Variants in KIAA1217 observed in about 807,000 individuals in gnomAD.
The protein encoded by KIAA1217 is sickle tail protein homolog.
Under a neutral mutation model 163.9 loss-of-function variants are expected in KIAA1217, and 88 were observed. The observed-to-expected ratio is 0.54, with a 90% CI of 0.45 to 0.64. The LOEUF (loss-of-function observed/expected upper bound fraction) is 0.64. Ranked by LOEUF, KIAA1217 falls within the 30% of genes least tolerant of loss-of-function variation. The pLI, the probability that KIAA1217 is intolerant of heterozygous loss-of-function variation, is 0.00. For missense variants in KIAA1217, 2,372 were observed against 2,475.0 expected (o/e 0.96, Z 0.88); for synonymous variants, 903 against 923.1 (o/e 0.98, Z 0.39).
In KIAA1217 at chr10:24,190,093, G is replaced by A. The variant is rs539052837; in HGVS notation, c.-170-29533G>A. On this transcript the variant is annotated intron_variant, in intron 2 of 18. Coordinates refer to the KIAA1217 transcript ENST00000376462. ...TGATCTAATGATAATAAACTGAGGGGGAGCTTAGCAAGGCCTGTTTGTTCA... is the reference window on the plus strand; with the variant it reads ...TGATCTAATGATAATAAACTGAGGGAGAGCTTAGCAAGGCCTGTTTGTTCA... 1.1e-4 allele frequency among the ~76,000 whole-genome samples: 17 copies of A among 151,978 alleles called. 1 individual carries two copies. The highest frequency in any genetic ancestry group is 4.4e-5 in the Non-Finnish European group (3 of 67,976).
At chr10:24,134,769 G>A (rs915638004) in intron 2 of KIAA1217, among the ~76,000 whole-genome samples, 5 of 152,058 alleles carry the variant, frequency 3.3e-5, no homozygotes, top group South Asian at 4.2e-4. Flanking sequence ...TAGAGACAGG[G>A]TCTCACTGTG....
intron 3 of KIAA1217, among the ~76,000 whole-genome samples, chr10:24,395,189 C>T (rs1311567081): frequency 6.6e-6 from 1 of 152,226 alleles, no homozygotes; most frequent in East Asian, 1.9e-4. Context: ...CATAGAGGCC[C>T]TTGCAGGGAG....
intron 1 of KIAA1217, among the ~76,000 whole-genome samples, chr10:23,880,532 A>G (rs1445790612): frequency 6.6e-6 from 1 of 151,928 alleles, no homozygotes; most frequent in Non-Finnish European, 1.5e-5. Context: ...AAGACCTAGT[A>G]TTTGCTAGGA....
At chr10:23,724,193 GT>G (rs2130770952) in intron 1 of KIAA1217, among the ~76,000 whole-genome samples, 1 of 152,256 alleles carries the variant, frequency 6.6e-6, no homozygotes, top group East Asian at 1.9e-4. Context: ...AACACTGAGG[GT>G]TACAATTAGA....
intron 1 of KIAA1217, among the ~76,000 whole-genome samples, chr10:23,855,255 A>C (rs1268738401): frequency 6.6e-5 from 10 of 152,178 alleles, no homozygotes; most frequent in African/African-American, 2.4e-4. Flanking sequence ...AAAGTATTTT[A>C]TTTCTTCTTT....
At chr10:23,961,785 A>G (rs7072053) in intron 1 of KIAA1217, among the ~76,000 whole-genome samples, 3 of 152,034 alleles carry the variant, frequency 2.0e-5, no homozygotes, top group African/African-American at 7.3e-5. Flanking sequence ...GGAGTACAAA[A>G]TCAGGTGTGG....
At chr10:24,313,856 T>A (rs1019051300) in intron 2 of KIAA1217, among the ~76,000 whole-genome samples, 1 of 149,232 alleles carries the variant, frequency 6.7e-6, no homozygotes, top group African/African-American at 2.5e-5. Context: ...TTTTTTTTTT[T>A]TTTTTTTGAG....
intron 1 of KIAA1217, among the ~76,000 whole-genome samples, chr10:23,812,387 A>G (rs1837108032): frequency 6.6e-6 from 1 of 152,124 alleles, no homozygotes; most frequent in African/African-American, 2.4e-5. Context: ...AAAACAAAGG[A>G]TTTACTTTAT....
intron 1 of KIAA1217, among the ~76,000 whole-genome samples, chr10:23,841,084 C>T (rs1838756735): frequency 6.6e-6 from 1 of 152,110 alleles, no homozygotes; most frequent in Admixed American, 6.6e-5. Flanking sequence ...ATTAAATAAG[C>T]ACATAGTTGT....
intron 1 of KIAA1217, among the ~76,000 whole-genome samples, chr10:23,949,020 A>G (rs2131350438): frequency 6.6e-6 from 1 of 152,318 alleles, no homozygotes; most frequent in Middle Eastern, 3.4e-3. Context: ...AAGGTACCTA[A>G]ATAAATAATG....
intron 2 of KIAA1217, among the ~76,000 whole-genome samples, chr10:24,090,233 C>T (rs1232234721): frequency 7.6e-6 from 1 of 131,780 alleles, no homozygotes; most frequent in East Asian, 2.3e-4. Flanking sequence ...GTGGCATGAT[C>T]GTGGCTCACT....
intron 2 of KIAA1217, chr10:24,158,729 A>C: frequency 2.0e-6 from 1 of 502,144 alleles, no homozygotes; most frequent in Non-Finnish European, 4.0e-6. Context: ...AGTGATTATC[A>C]GGTTATTTCT....
intron 1 of KIAA1217, among the ~76,000 whole-genome samples, chr10:23,974,798 C>G (rs1845470438): frequency 6.6e-6 from 1 of 152,138 alleles, no homozygotes; most frequent in South Asian, 2.1e-4. Context: ...ACGACGCCAG[C>G]CATAAAGTAG....
rs539058369 is a variant in KIAA1217 at position 24,190,048 on chromosome 10, G to A, written c.-170-29578G>A. 1.4e-3 allele frequency among the ~76,000 whole-genome samples: 211 copies of A among 150,684 alleles called. 1 individual carries two copies. The highest frequency in any genetic ancestry group is 1.0e-3 in the Non-Finnish European group (70 of 67,676). On this transcript the variant is annotated intron_variant, in intron 2 of 18. Coordinates refer to the KIAA1217 transcript ENST00000376462. The stretch of plus-strand genomic sequence containing the variant: ...TTTAAAAAAAAAAAAAAAAAAGTAT[G>A]ATTGGACATACAAAGGGTATGATCT...
chr10:23,912,732 T>C (rs948924227), intron 1 of KIAA1217, among the ~76,000 whole-genome samples: 1 of 152,180 alleles, frequency 6.6e-6, no homozygotes, highest in Non-Finnish European at 1.5e-5. Context: ...AAGGTAAAAT[T>C]TTAAGACAGT....
At chr10:24,430,467 G>A (rs2059514672) in intron 3 of KIAA1217, among the ~76,000 whole-genome samples, 1 of 152,202 alleles carries the variant, frequency 6.6e-6, no homozygotes, top group African/African-American at 2.4e-5. Context: ...GACAGGGTTA[G>A]GGGGAGATGG....
chr10:23,839,606 A>T (rs1838672838), intron 1 of KIAA1217, among the ~76,000 whole-genome samples: 1 of 152,126 alleles, frequency 6.6e-6, no homozygotes, highest in African/African-American at 2.4e-5. Context: ...TGCTGCATTG[A>T]GGAAGGATCT....
chr10:24,239,422 T>C (rs956824950), intron 2 of KIAA1217: 1 of 469,738 alleles, frequency 2.1e-6, no homozygotes, highest in Non-Finnish European at 2.8e-6. Context: ...ATTGTTCTCT[T>C]GGCAGGAAGA....
At position 23,986,778 on chromosome 10, in the gene KIAA1217, C is replaced by A. The variant is rs191518096; in HGVS notation, c.-320-20447C>A. Among the ~76,000 whole-genome samples the A allele has an allele frequency of 3.9e-3, 600 of 152,284 alleles. 18 individuals are homozygous for A. The highest frequency in any genetic ancestry group is 0.037 in the Admixed American group (563 of 15,300). The stretch of plus-strand genomic sequence containing the variant: ...CTTTGAAAATATCTACAGACTGTTG[C>A]CTACACACGTTGTGCAGTGTACAAT... On this transcript the variant is annotated intron_variant, in intron 1 of 18. Transcript: ENST00000376462.
Sources: allele counts gnomAD v4.1 joint callset (sites outside exome capture counted in the v4.1 genomes callset), GRCh38; gene constraint gnomAD v4.1.1; transcripts MANE v1.5; gene names NCBI Gene and HGNC (gene_info 2026-07-23, HGNC 2026-07-21).